The following MEMO1 variants were observed in gnomAD, a reference collection of about 807,000 sequenced individuals.
MEMO1 encodes the protein protein MEMO1.
Under a neutral mutation model 45.2 loss-of-function variants are expected in MEMO1, and 6 were observed. The observed-to-expected ratio is 0.13, with a 90% CI of 0.07 to 0.26. MEMO1 has a LOEUF of 0.26. Ranked by LOEUF, MEMO1 falls within the 10% of genes least tolerant of loss-of-function variation. The pLI is 1.00. For synonymous variants in MEMO1, 78 were observed against 124.3 expected, an observed-to-expected ratio of 0.63 and a Z score of 2.48; for missense variants, 184 against 370.5, an observed-to-expected ratio of 0.50 and a Z score of 4.13.
chr2:31,888,772 A>G (rs1676532626), intron 7 of MEMO1, among the ~76,000 whole-genome samples: 1 of 152,072 alleles, frequency 6.6e-6, no homozygotes, highest in South Asian at 2.1e-4. Flanking sequence ...AATAAAAGGC[A>G]GGAACTGAAA....
intron 6 of MEMO1, among the ~76,000 whole-genome samples, chr2:31,900,961 A>G (rs997104407): frequency 4.6e-5 from 7 of 152,372 alleles, no homozygotes; most frequent in Non-Finnish European, 8.8e-5. Flanking sequence ...AAAAATGTGT[A>G]CAAGAATTTT....
At chr2:31,878,056 G>A (rs779295543) in intron 8 of MEMO1, among the ~76,000 whole-genome samples, 13 of 152,148 alleles carry the variant, frequency 8.5e-5, no homozygotes, top group Non-Finnish European at 1.5e-4. Context: ...ACGGTGGACT[G>A]GGAATGCTGC....
intron 3 of MEMO1, among the ~76,000 whole-genome samples, chr2:31,935,674 C>T (rs899762454): frequency 2.6e-5 from 4 of 152,196 alleles, no homozygotes; most frequent in Admixed American, 2.6e-4. Flanking sequence ...TTTATCCTCG[C>T]CCAGAAACAT....
intron 2 of MEMO1, among the ~76,000 whole-genome samples, chr2:31,962,657 T>C (rs1261236613): frequency 2.0e-5 from 3 of 152,110 alleles, no homozygotes; most frequent in African/African-American, 2.4e-5. Flanking sequence ...ACACTAAAAG[T>C]AAAGCTTTGA....
At chr2:31,965,812 C>A (rs527569181) in intron 2 of MEMO1, among the ~76,000 whole-genome samples, 13 of 152,104 alleles carry the variant, frequency 8.5e-5, no homozygotes, top group African/African-American at 3.1e-4. Context: ...CACACTGTGG[C>A]CTGTCAGGGG....
At chr2:31,988,144 GA>G (rs1445250142) in intron 2 of MEMO1, among the ~76,000 whole-genome samples, 1 of 152,062 alleles carries the variant, frequency 6.6e-6, no homozygotes, top group Non-Finnish European at 1.5e-5. Context: ...CTACATACCA[GA>G]AGTCTGCAGG....
intron 8 of MEMO1, among the ~76,000 whole-genome samples, chr2:31,870,863 T>A (rs1673605089): frequency 6.6e-6 from 1 of 152,038 alleles, no homozygotes; most frequent in Admixed American, 6.6e-5. Context: ...CAGGTATGAG[T>A]CACTGCACCC....
chr2:31,916,804 G>A lies in MEMO1; in HGVS notation c.437+1122C>T, dbSNP rs563094181. Among the ~76,000 whole-genome samples the A allele has an allele frequency of 2.6e-5, 4 of 152,236 alleles. No homozygotes were observed. In the South Asian group the frequency reaches 8.3e-4, roughly 32 times the overall value. ...CTCATGGTTATCATTGTGAGCAGAA[G>A]CAGACAAAAGATTGAGAAAAGTAAA... On this transcript the variant is annotated intron_variant, in intron 6 of 9. Transcript: ENST00000404530.
chr2:31,988,631 C>G (rs1671568274), intron 2 of MEMO1, among the ~76,000 whole-genome samples: 1 of 152,218 alleles, frequency 6.6e-6, no homozygotes, highest in Non-Finnish European at 1.5e-5. Flanking sequence ...CAGTAGTAGT[C>G]ACTACATTCT....
At chr2:31,920,052 A>C (rs1369708044) in intron 5 of MEMO1, among the ~76,000 whole-genome samples, 1 of 151,916 alleles carries the variant, frequency 6.6e-6, no homozygotes, top group African/African-American at 2.4e-5. Context: ...ACTTCTGGGA[A>C]GGTAAATTGG....
At chr2:31,979,197 T>C (rs532952933) in intron 2 of MEMO1, among the ~76,000 whole-genome samples, 26 of 152,044 alleles carry the variant, frequency 1.7e-4, no homozygotes, top group Non-Finnish European at 3.5e-4. Flanking sequence ...AATCCCTCAC[T>C]ACGATGAGAA....
chr2:31,988,148 T>C (rs1219685261), intron 2 of MEMO1, among the ~76,000 whole-genome samples: 1 of 152,136 alleles, frequency 6.6e-6, no homozygotes, highest in Admixed American at 6.6e-5. Context: ...ATACCAGAAG[T>C]CTGCAGGACC....
chr2:31,942,163 G>C (rs538141615), intron 3 of MEMO1, among the ~76,000 whole-genome samples: 3 of 152,032 alleles, frequency 2.0e-5, no homozygotes, highest in African/African-American at 7.3e-5. Context: ...CATTAACTGT[G>C]TATGTGCTAG....
chr2:31,966,732 C>CAAAAAAAAAAG (rs1668659087), intron 2 of MEMO1, among the ~76,000 whole-genome samples: 1 of 117,842 alleles, frequency 8.5e-6, no homozygotes, highest in Non-Finnish European at 1.8e-5. Flanking sequence ...GACTCTGTCT[C>CAAAAAAAAAAG]AAAAAAAAAA....
At chr2:31,914,036 G>A (rs376949496) in intron 6 of MEMO1, among the ~76,000 whole-genome samples, 1 of 152,172 alleles carries the variant, frequency 6.6e-6, no homozygotes, top group African/African-American at 2.4e-5. Flanking sequence ...TTCACCACGT[G>A]AAGAGAGAAG....
chr2:31,961,354 CAA>C (rs543917028), intron 2 of MEMO1, among the ~76,000 whole-genome samples: 1 of 149,220 alleles, frequency 6.7e-6, no homozygotes, highest in South Asian at 2.1e-4. Context: ...AAGGCTCCAT[CAA>C]AAAAAAAGAG....
intron 4 of MEMO1, among the ~76,000 whole-genome samples, chr2:31,930,989 G>A (rs1012036177): frequency 4.6e-5 from 7 of 151,674 alleles, no homozygotes; most frequent in African/African-American, 1.7e-4. Flanking sequence ...ACTTCTATTT[G>A]CTCTTATTCA....
At chr2:31,926,892 T>G (rs185886642) in intron 4 of MEMO1, among the ~76,000 whole-genome samples, 2 of 151,952 alleles carry the variant, frequency 1.3e-5, no homozygotes, top group African/African-American at 2.4e-5. Flanking sequence ...CAAAAAGTGA[T>G]TTTTTACTAT....
chr2:31,868,576 T>C (rs1673204417), intron 9 of MEMO1, 84 bp from the exon 10 acceptor site: 1 of 1,293,324 alleles, frequency 7.7e-7, no homozygotes, highest in South Asian at 2.1e-5. Context: ...CTTTGTCCAC[T>C]TCACAGCTGA....
Sources: allele counts gnomAD v4.1 joint callset (sites outside exome capture counted in the v4.1 genomes callset), GRCh38; gene constraint gnomAD v4.1.1; transcripts MANE v1.5; gene names NCBI Gene and HGNC (gene_info 2026-07-23, HGNC 2026-07-21).